Variants in LIFR observed in about 807,000 individuals in gnomAD.
LIFR encodes the protein leukemia inhibitory factor receptor.
A neutral mutation model predicts 122.2 loss-of-function variants in LIFR; 84 were observed. The ratio of observed to expected loss-of-function variants is 0.69; its 90% CI spans 0.58 to 0.82. LIFR has a LOEUF of 0.82. Among genes scored for constraint, LIFR ranks in the 40% least tolerant of loss-of-function variants. LIFR has a pLI of 0.00. For missense variants in LIFR, 1,294 were observed against 1,311.6 expected (o/e 0.99, Z 0.21); for synonymous variants, 422 against 434.7 (o/e 0.97, Z 0.36).
At position 38,477,601 on chromosome 5, in the gene LIFR, T is replaced by C. The variant is rs551905367; in HGVS notation, c.*3994A>G. On this transcript the variant is annotated 3_prime_UTR_variant, in exon 20 of 20. Coordinates refer to ENST00000453190, the MANE Select transcript of LIFR (RefSeq NM_001127671.2). ...AATTATGGAGAAATAAGATATCTAG[T>C]GATATACAGGCATGAGTCCTTCCTC... 8.5e-4 allele frequency: 181 copies of C among 212,346 alleles called. No homozygotes were observed. Among genetic ancestry groups the C allele is most frequent in the African/African-American group, 3.8e-3 (168 of 44,314 alleles). 13.2% of individuals were successfully genotyped at this position (212,346 alleles called of 1,614,324 possible). A position where few individuals can be genotyped will look rare whatever the true frequency, so the allele number is the denominator to read the frequency against.
At chr5:38,607,643 A>G (rs1750359735) in intron 1 of LIFR, 1 of 152,204 alleles carries the variant, frequency 6.6e-6, no homozygotes, top group Admixed American at 6.5e-5. Context: ...CAGCGGTCAG[A>G]GCATTACAGC....
chr5:38,502,234 C>A (rs1262472385), intron 11 of LIFR, among the ~76,000 whole-genome samples: 3 of 151,892 alleles, frequency 2.0e-5, no homozygotes, highest in African/African-American at 7.3e-5. Context: ...AACATTCCCC[C>A]ACCTTTAAGG....
intron 1 of LIFR, among the ~76,000 whole-genome samples, chr5:38,544,227 C>T (rs1342282946): frequency 1.3e-5 from 2 of 152,092 alleles, no homozygotes; most frequent in African/African-American, 2.4e-5. Context: ...CAATCCACTC[C>T]GCACAAAGCA....
At chr5:38,568,721 A>C (rs1346693467) in intron 1 of LIFR, among the ~76,000 whole-genome samples, 1 of 152,174 alleles carries the variant, frequency 6.6e-6, no homozygotes, top group African/African-American at 2.4e-5. Context: ...ATACATGCCC[A>C]ACTGGGGGTT....
rs371680104 is a variant in LIFR, at chr5:38,493,582, T to C, written c.2065+24A>G. On this transcript the variant is annotated intron_variant, in intron 14 of 19. Coordinates refer to ENST00000453190, the MANE Select transcript of LIFR (RefSeq NM_001127671.2). ...TTTAAAAATATTTTGTAGAACTTAA[T>C]TGAGAGACACTAATTCATCTTACCA... 5.6e-6 allele frequency: 9 copies of C among 1,605,584 alleles called. No homozygotes were observed. In the African/African-American group the frequency reaches 8.0e-5, roughly 14 times the overall value.
Position 38,483,303 on chromosome 5 carries a change from T to G in LIFR, c.2592-636A>C, listed in dbSNP as rs183649534. 4.2e-3 allele frequency among the ~76,000 whole-genome samples: 642 copies of G among 152,354 alleles called. 4 individuals carry two copies. Among genetic ancestry groups the G allele is most frequent in the Admixed American group, 6.3e-3 (97 of 15,304 alleles). ...AGCTACTAAAAAGAACTGTATTACT[T>G]GAAATTCCTACAGAAAAAATAACTT... On this transcript the variant is annotated intron_variant, in intron 18 of 19. Transcript: ENST00000453190.
intron 1 of LIFR, among the ~76,000 whole-genome samples, chr5:38,587,486 A>G (rs1460177777): frequency 6.6e-6 from 1 of 152,094 alleles, no homozygotes; most frequent in African/African-American, 2.4e-5. Flanking sequence ...GACTGAAAAA[A>G]AAAAAAAGGC....
chr5:38,540,716 G>GT (rs974077835), intron 1 of LIFR, among the ~76,000 whole-genome samples: 127 of 151,586 alleles, frequency 8.4e-4, no homozygotes, highest in African/African-American at 2.8e-3. Flanking sequence ...TGCTTTTTTA[G>GT]TTTTTTTTAT....
intron 1 of LIFR, among the ~76,000 whole-genome samples, chr5:38,541,870 G>C (rs1747609393): frequency 6.6e-6 from 1 of 152,174 alleles, no homozygotes; most frequent in Non-Finnish European, 1.5e-5. Flanking sequence ...GATGGGAGGA[G>C]ATATGATTTA....
At chr5:38,517,635 A>C (rs1746156381) in intron 5 of LIFR, among the ~76,000 whole-genome samples, 1 of 151,906 alleles carries the variant, frequency 6.6e-6, no homozygotes, top group Non-Finnish European at 1.5e-5. Context: ...AGGTGGCCAG[A>C]TTACAAGGTC....
At chr5:38,536,321 A>T (rs1162517468) in intron 1 of LIFR, among the ~76,000 whole-genome samples, 1 of 152,228 alleles carries the variant, frequency 6.6e-6, no homozygotes, top group East Asian at 1.9e-4. Context: ...AACAAAACCA[A>T]TAAAAGACAA....
chr5:38,571,350 G>C (rs1041071206), intron 1 of LIFR, among the ~76,000 whole-genome samples: 1 of 151,972 alleles, frequency 6.6e-6, no homozygotes, highest in Non-Finnish European at 1.5e-5. Context: ...TCAGGAGTTC[G>C]AGACCAGCCT....
chr5:38,598,249 TTTTTTTTTTTC>T (rs1561235567), upstream of LIFR, among the ~76,000 whole-genome samples: 14 of 64,802 alleles, frequency 2.2e-4, 1 homozygote, highest in African/African-American at 9.5e-4. Context: ...TTATTTATTT[TTTTTTTTTTTC>T]TTTTTAGAGG....
chr5:38,540,532 C>T (rs1479768464), intron 1 of LIFR, among the ~76,000 whole-genome samples: 1 of 152,172 alleles, frequency 6.6e-6, no homozygotes, highest in African/African-American at 2.4e-5. Flanking sequence ...CAGGTGCAAA[C>T]TCAAACATAC....
In LIFR at chr5:38,552,222, C is replaced by T. The variant is rs1264386636; in HGVS notation, c.-20+4112G>A. On this transcript the variant is annotated intron_variant, in intron 1 of 19. Transcript: ENST00000453190. ...AGGAAATAAAAAAGTTAAAAACCATCATTCTGGAAGATCACAACACTTCTA... is the reference window on the plus strand; with the variant it reads ...AGGAAATAAAAAAGTTAAAAACCATTATTCTGGAAGATCACAACACTTCTA... 3.9e-5 allele frequency among the ~76,000 whole-genome samples: 6 copies of T among 152,210 alleles called. No homozygotes were observed. The East Asian group carries it at 1.2e-3, about 29-fold the overall frequency.
intron 5 of LIFR, among the ~76,000 whole-genome samples, chr5:38,519,044 A>G (rs1746257524): frequency 1.3e-5 from 2 of 152,246 alleles, no homozygotes; most frequent in Non-Finnish European, 2.9e-5. Flanking sequence ...CAGCTGTACT[A>G]TGTGTTTGTT....
rs539751488 is a variant in LIFR, at chr5:38,499,667, G to T, written c.1601-84C>A. On this transcript the variant is annotated intron_variant, in intron 11 of 19. Transcript: ENST00000453190. ...TGGCATTTTTTTTCTAGGATGTTTGGAATTCTCAATAAAACGTGAAGCAGT... is the reference window on the plus strand; with the variant it reads ...TGGCATTTTTTTTCTAGGATGTTTGTAATTCTCAATAAAACGTGAAGCAGT... The T allele has an allele frequency of 1.7e-4, 161 of 932,838 alleles. 1 individual carries two copies. In the South Asian group the frequency reaches 2.1e-3, roughly 12 times the overall value. The allele number at this position is 932,838 out of a possible 1,614,324, so 57.8% of individuals were successfully genotyped here.
intron 1 of LIFR, among the ~76,000 whole-genome samples, chr5:38,536,911 C>T (rs997877339): frequency 1.3e-5 from 2 of 152,176 alleles, no homozygotes; most frequent in African/African-American, 4.8e-5. Context: ...GATATTCATT[C>T]CCCAAAATAA....
upstream of LIFR, among the ~76,000 whole-genome samples, chr5:38,598,539 T>C (rs1750165122): frequency 6.6e-6 from 1 of 152,040 alleles, no homozygotes; most frequent in Non-Finnish European, 1.5e-5. Flanking sequence ...TCCTGCCACA[T>C]TCTACCTAAC....
Sources: allele counts gnomAD v4.1 joint callset (sites outside exome capture counted in the v4.1 genomes callset), GRCh38; gene constraint gnomAD v4.1.1; transcripts MANE v1.5; gene names NCBI Gene and HGNC (gene_info 2026-07-23, HGNC 2026-07-21).